The following ATOSA variants were observed in gnomAD, a reference collection of about 807,000 sequenced individuals.
ATOSA encodes atos homolog A.
the ATOSA span, among the ~76,000 whole-genome samples, chr15:52,698,490 A>G: frequency 6.6e-6 from 1 of 152,216 alleles, no homozygotes; most frequent in Non-Finnish European, 1.5e-5. Context: ...AAGATGAAAC[A>G]ATCCAAATGC....
chr15:52,588,605 A>G, the ATOSA span, among the ~76,000 whole-genome samples: 1 of 151,934 alleles, frequency 6.6e-6, no homozygotes, highest in Non-Finnish European at 1.5e-5. Flanking sequence ...CGCCCAGCTA[A>G]TTTTTGTATT....
the ATOSA span, among the ~76,000 whole-genome samples, chr15:52,632,069 C>T: frequency 0.018 from 2,717 of 152,266 alleles, 38 homozygotes; most frequent in Non-Finnish European, 0.024. Flanking sequence ...GACAGTATTT[C>T]TTAAATAAGT....
chr15:52,661,226 C>T, the ATOSA span, among the ~76,000 whole-genome samples: 314 of 152,254 alleles, frequency 2.1e-3, 1 homozygote, highest in East Asian at 0.03. Context: ...TATTACCATT[C>T]GACTTACTTC....
At chr15:52,658,962 G>A in the ATOSA span, among the ~76,000 whole-genome samples, 1 of 152,018 alleles carries the variant, frequency 6.6e-6, no homozygotes, top group Admixed American at 6.6e-5. Context: ...TCCAGCCTGG[G>A]CAACAGGGCA....
the ATOSA span, among the ~76,000 whole-genome samples, chr15:52,627,654 TG>T: frequency 1.3e-5 from 2 of 152,034 alleles, no homozygotes; most frequent in Non-Finnish European, 2.9e-5. Context: ...AGACTGAAGG[TG>T]GTCAGAACAT....
At chr15:52,641,052 A>G in the ATOSA span, among the ~76,000 whole-genome samples, 2 of 152,228 alleles carry the variant, frequency 1.3e-5, no homozygotes, top group Admixed American at 6.5e-5. Context: ...GTCTTGGAGA[A>G]TGAAACCATT....
the ATOSA span, among the ~76,000 whole-genome samples, chr15:52,685,153 A>G: frequency 6.6e-6 from 1 of 152,242 alleles, no homozygotes; most frequent in African/African-American, 2.4e-5. Flanking sequence ...ACTTCAGAAG[A>G]CATTTGAAAA....
chr15:52,684,064 A>G, the ATOSA span, among the ~76,000 whole-genome samples: 23 of 152,272 alleles, frequency 1.5e-4, no homozygotes, highest in East Asian at 4.2e-3. Context: ...GTCTTTCCTT[A>G]TTGAATAGCA....
At chr15:52,611,397 G>C in the ATOSA span, 4 of 1,235,322 alleles carry the variant, frequency 3.2e-6, no homozygotes, top group Admixed American at 5.3e-5. Flanking sequence ...GATGTCACTT[G>C]AAGTCACAAT....
chr15:52,685,687 G>A, the ATOSA span, among the ~76,000 whole-genome samples: 4 of 151,994 alleles, frequency 2.6e-5, no homozygotes, highest in Non-Finnish European at 5.9e-5. Flanking sequence ...GCCTGGCCTC[G>A]GCCTCGCAAA....
the ATOSA span, among the ~76,000 whole-genome samples, chr15:52,590,329 TTTCACAC>T: frequency 6.6e-6 from 1 of 152,208 alleles, no homozygotes; most frequent in Non-Finnish European, 1.5e-5. Context: ...TTCTGCCTGG[TTTCACAC>T]TGCAACCGTT....
chr15:52,676,138 T>C, the ATOSA span, among the ~76,000 whole-genome samples: 1 of 152,220 alleles, frequency 6.6e-6, no homozygotes, highest in Non-Finnish European at 1.5e-5. Flanking sequence ...GTGAACATTT[T>C]TTAAATGTCT....
chr15:52,614,490 G>T, the ATOSA span, among the ~76,000 whole-genome samples: 2 of 152,014 alleles, frequency 1.3e-5, no homozygotes, highest in Non-Finnish European at 2.9e-5. Flanking sequence ...ATAAAATTCA[G>T]AGAGTAAGAC....
the ATOSA span, among the ~76,000 whole-genome samples, chr15:52,692,947 G>T: frequency 0.16 from 24,250 of 151,872 alleles, 2,078 homozygotes; most frequent in East Asian, 0.28. Flanking sequence ...CACCACGCCT[G>T]GCACAAAACT....
At chr15:52,611,779 T>C in the ATOSA span, 1 of 1,613,000 alleles carries the variant, frequency 6.2e-7, no homozygotes, top group Non-Finnish European at 8.5e-7. Context: ...TTGGCGGCAC[T>C]TAGAGAAAAT....
the ATOSA span, chr15:52,608,874 T>C: frequency 1.2e-5 from 20 of 1,609,226 alleles, no homozygotes; most frequent in East Asian, 2.2e-4. Context: ...TTGAGTCATT[T>C]TTTTTGGAAT....
At chr15:52,656,212 TTAAAA>T in the ATOSA span, 2 of 152,068 alleles carry the variant, frequency 1.3e-5, no homozygotes, top group South Asian at 4.1e-4. Context: ...TAAGCAATAG[TTAAAA>T]TATAACATTA....
At chr15:52,610,048 G>A in the ATOSA span, 1 of 1,613,824 alleles carries the variant, frequency 6.2e-7, no homozygotes, top group Non-Finnish European at 8.5e-7. Flanking sequence ...AGTATATTCT[G>A]GACTTGGGCC....
At chr15:52,584,230 C>T in the ATOSA span, among the ~76,000 whole-genome samples, 1 of 150,782 alleles carries the variant, frequency 6.6e-6, no homozygotes, top group Non-Finnish European at 1.5e-5. Flanking sequence ...CTGCAACCTC[C>T]ACCTCCCGGG....
Sources: gnomAD v4.1 joint callset for allele counts (sites outside exome capture counted in the v4.1 genomes callset) on GRCh38, gnomAD v4.1.1 for gene constraint, MANE v1.5 for transcripts, NCBI Gene and HGNC (gene_info 2026-07-23, HGNC 2026-07-21) for gene names.